Variants in WWOX observed in about 807,000 individuals in gnomAD.
The protein encoded by WWOX is WW domain containing oxidoreductase.
WWOX carries 69 observed loss-of-function variants against 46.2 expected under a neutral mutation model. That is an observed-to-expected ratio of 1.49 (90% CI 1.23 to 1.82). The LOEUF is 1.82. Ranked by LOEUF, WWOX falls within the 40% of genes most tolerant of loss-of-function variation. WWOX has a pLI of 0.00. For synonymous variants in WWOX, 359 were observed against 202.6 expected, an observed-to-expected ratio of 1.77 and a Z score of -6.56; for missense variants, 919 against 542.6, an observed-to-expected ratio of 1.69 and a Z score of -6.89.
intron 8 of WWOX, among the ~76,000 whole-genome samples, chr16:78,998,607 A>G (rs540384997): frequency 2.0e-5 from 3 of 152,222 alleles, no homozygotes; most frequent in Non-Finnish European, 1.5e-5. Context: ...ATTTCTTAGT[A>G]TATACAATAG....
chr16:78,954,159 A>G (rs2046118519), intron 8 of WWOX, among the ~76,000 whole-genome samples: 1 of 152,180 alleles, frequency 6.6e-6, no homozygotes, highest in Non-Finnish European at 1.5e-5. Context: ...CAGAGTAGGC[A>G]TGATTGCATA....
rs1043711156 is a variant in WWOX, at chr16:78,299,729, A to C, written c.517-87131A>C. Among the ~76,000 whole-genome samples, 14 of 152,046 alleles carry C rather than the reference A, an allele frequency of 9.2e-5. No individual in the cohort carries two copies. The East Asian group carries it at 2.5e-3, about 27-fold the overall frequency. Reference sequence around the variant, plus strand: ...TATTTAGTAGAGATGGGGTTTTGCCATGTTGCCCAGGCTGTTCTCGAACTC... The same window carrying C: ...TATTTAGTAGAGATGGGGTTTTGCCCTGTTGCCCAGGCTGTTCTCGAACTC... On this transcript the variant is annotated intron_variant, in intron 5 of 8. Transcript: ENST00000566780.
rs1220666726 is a variant in WWOX at position 78,802,242 on chromosome 16, T to C, written c.1056+369490T>C. Among the ~76,000 whole-genome samples the C allele has an allele frequency of 3.6e-5, 5 of 138,668 alleles. No homozygotes were observed. The Admixed American group carries it at 4.0e-4, about 11-fold the overall frequency. 91.0% of individuals were successfully genotyped at this position (138,668 alleles called of 152,430 possible). On this transcript the variant is annotated intron_variant, in intron 8 of 8. Coordinates refer to ENST00000566780, the MANE Select transcript of WWOX (RefSeq NM_016373.4). ...TTTTTTTTGGCTGGTGTTTACTGAA[T>C]GCGTGCAAGGCTTTCTGTCACAGGC...
Position 78,681,643 on chromosome 16 carries a change from C to T in WWOX, c.1056+248891C>T, listed in dbSNP as rs148629276. Among the ~76,000 whole-genome samples the T allele has an allele frequency of 3.0e-4, 45 of 152,262 alleles. No individual in the cohort carries two copies. In the East Asian group the frequency reaches 8.1e-3, roughly 27 times the overall value. ...ACAGACCGAGGTTTGAGAGTTCCTG[C>T]TCCTGATCTCAGGGGAATCCTGAAT... On this transcript the variant is annotated intron_variant, in intron 8 of 8. Coordinates refer to ENST00000566780, the MANE Select transcript of WWOX (RefSeq NM_016373.4).
chr16:78,593,155 A>C lies in WWOX; in HGVS notation c.1056+160403A>C, dbSNP rs189085135. On this transcript the variant is annotated intron_variant, in intron 8 of 8. Coordinates refer to ENST00000566780, the MANE Select transcript of WWOX (RefSeq NM_016373.4). Reference sequence around the variant, plus strand: ...CAGGTGTCATTGCCCTCCCCACCCTACCTTGCTCCCCTGGAGTGTATCCTG... The same window carrying C: ...CAGGTGTCATTGCCCTCCCCACCCTCCCTTGCTCCCCTGGAGTGTATCCTG... Among the ~76,000 whole-genome samples, 4 of 152,056 alleles carry C rather than the reference A, an allele frequency of 2.6e-5. No homozygotes were observed. In the South Asian group the frequency reaches 8.3e-4, roughly 32 times the overall value.
intron 8 of WWOX, among the ~76,000 whole-genome samples, chr16:79,081,650 G>A (rs1401096767): frequency 6.6e-6 from 1 of 152,100 alleles, no homozygotes; most frequent in African/African-American, 2.4e-5. Context: ...TTATATTTGA[G>A]TGAGACCCGT....
At chr16:78,363,556 G>C (rs545751250) in intron 5 of WWOX, among the ~76,000 whole-genome samples, 518 of 152,258 alleles carry the variant, frequency 3.4e-3, no homozygotes, top group Admixed American at 5.7e-3. Flanking sequence ...TGGGAATACA[G>C]GTGTGAGCCA....
intron 8 of WWOX, among the ~76,000 whole-genome samples, chr16:79,164,563 G>C (rs1414256211): frequency 6.6e-6 from 1 of 152,172 alleles, no homozygotes; most frequent in Non-Finnish European, 1.5e-5. Context: ...CAGGCGTCCA[G>C]AGCAAGAATG....
At chr16:78,534,484 C>T (rs2043708936) in intron 8 of WWOX, 1 of 152,172 alleles carries the variant, frequency 6.6e-6, no homozygotes, top group African/African-American at 2.4e-5. Context: ...ACGTCCACAG[C>T]ATCTCATTTC....
intron 8 of WWOX, among the ~76,000 whole-genome samples, chr16:78,463,557 C>G (rs189436793): frequency 2.0e-5 from 3 of 152,140 alleles, no homozygotes; most frequent in African/African-American, 7.2e-5. Flanking sequence ...TATGGCTTAT[C>G]AGGATGCATA....
intron 8 of WWOX, among the ~76,000 whole-genome samples, chr16:78,786,930 T>A (rs1159189255): frequency 2.6e-5 from 4 of 152,164 alleles, no homozygotes; most frequent in African/African-American, 9.7e-5. Flanking sequence ...GGTGGATCAC[T>A]TGGGGTGAAG....
chr16:78,641,665 G>A (rs1374635421), intron 8 of WWOX, among the ~76,000 whole-genome samples: 1 of 152,158 alleles, frequency 6.6e-6, no homozygotes, highest in Non-Finnish European at 1.5e-5. Context: ...GTAGTTAAAC[G>A]GCCCCGCAGA....
At chr16:78,202,780 T>C in intron 5 of WWOX, among the ~76,000 whole-genome samples, 1 of 137,016 alleles carries the variant, frequency 7.3e-6, no homozygotes, top group South Asian at 2.2e-4. Flanking sequence ...TCATTATATT[T>C]GCAATTTTTT....
rs141600625 is a variant in WWOX at position 78,436,169 on chromosome 16, C to G, written c.1056+3417C>G. Among the ~76,000 whole-genome samples the G allele has an allele frequency of 9.0e-3, 1,370 of 152,272 alleles. 13 individuals carry two copies. Among genetic ancestry groups the G allele is most frequent in the Non-Finnish European group, 8.0e-3 (544 of 68,024 alleles). ...GTTACTCTTGTCGTTGTGAGCAGTG[C>G]CTTGGTCCCGATGATGATTCTCCAA... On this transcript the variant is annotated intron_variant, in intron 8 of 8. Coordinates refer to ENST00000566780, the MANE Select transcript of WWOX (RefSeq NM_016373.4).
intron 5 of WWOX, among the ~76,000 whole-genome samples, chr16:78,246,335 C>A (rs953098857): frequency 6.6e-6 from 1 of 152,190 alleles, no homozygotes; most frequent in Admixed American, 6.5e-5. Flanking sequence ...CATACATATA[C>A]TAACATGCAA....
intron 5 of WWOX, among the ~76,000 whole-genome samples, chr16:78,329,007 T>G (rs7189650): frequency 0.65 from 98,958 of 151,692 alleles, 33,662 homozygotes; most frequent in East Asian, 0.98. Flanking sequence ...GACTACAGGC[T>G]CCCATCACCA....
chr16:78,833,402 T>A (rs2051886320), intron 8 of WWOX, among the ~76,000 whole-genome samples: 1 of 148,578 alleles, frequency 6.7e-6, no homozygotes. Context: ...TGTTCTCATG[T>A]TTACTTAATG....
chr16:78,379,439 T>C (rs1003065108), intron 5 of WWOX, among the ~76,000 whole-genome samples: 21 of 152,202 alleles, frequency 1.4e-4, no homozygotes, highest in Admixed American at 1.1e-3. Context: ...CTAGTGTACC[T>C]GGGCTTCTTC....
At chr16:78,945,998 G>C (rs1029193841) in intron 8 of WWOX, among the ~76,000 whole-genome samples, 1 of 151,948 alleles carries the variant, frequency 6.6e-6, no homozygotes, top group East Asian at 1.9e-4. Context: ...CAGGCTTGCC[G>C]GGCAACCCAA....
Sources: allele counts gnomAD v4.1 joint callset (sites outside exome capture counted in the v4.1 genomes callset), GRCh38; gene constraint gnomAD v4.1.1; transcripts MANE v1.5; gene names NCBI Gene and HGNC (gene_info 2026-07-23, HGNC 2026-07-21).